The following RNF216 variants were observed in gnomAD, a reference collection of about 807,000 sequenced individuals.
RNF216 encodes E3 ubiquitin-protein ligase RNF216.
Under a neutral mutation model 110.8 loss-of-function variants are expected in RNF216, and 72 were observed. The ratio of observed to expected loss-of-function variants is 0.65; its 90% CI spans 0.54 to 0.79. RNF216 has a LOEUF of 0.79. Ranked by LOEUF, RNF216 falls within the 30% of genes least tolerant of loss-of-function variation. The pLI, the probability that RNF216 is intolerant of heterozygous loss-of-function variation, is 0.00. For synonymous variants in RNF216, 495 were observed against 407.5 expected (o/e 1.21, Z -2.59); for missense variants, 1,342 against 1,141.2 (o/e 1.18, Z -2.54).
At chr7:5,655,532 G>C (rs990269522) in intron 13 of RNF216, among the ~76,000 whole-genome samples, 2 of 152,090 alleles carry the variant, frequency 1.3e-5, no homozygotes, top group Non-Finnish European at 1.5e-5. Context: ...CTTGAACCTG[G>C]GGGGCGGAGG....
At chr7:5,715,245 G>A in intron 10 of RNF216, 55 bp from the exon 11 acceptor site, 1 of 1,562,992 alleles carries the variant, frequency 6.4e-7, no homozygotes, top group African/African-American at 1.3e-5. Context: ...GAGAGGGGGA[G>A]CCTTGTCTCC....
Position 5,624,099 on chromosome 7 carries a change from TTCC to T in RNF216, c.2406_2408del (p.Glu803del). Reference sequence around the variant, plus strand: ...GTTCCTCTTCAGCCTCCTTCTGGATTTCCTCAATAAGCTTCTCATCATCTTCCT... The same window carrying T: ...GTTCCTCTTCAGCCTCCTTCTGGATTTCAATAAGCTTCTCATCATCTTCCT... On this transcript the variant is annotated inframe_deletion, in exon 16 of 17. Transcript: ENST00000389902. This position sits in a 1 kb window ranked among gnomAD's most constrained non-coding sequence, Gnocchi z 4.4. 1 of 1,613,824 alleles carries T rather than the reference TTCC, an allele frequency of 6.2e-7. No homozygotes were observed. The highest frequency in any genetic ancestry group is 8.5e-7 in the Non-Finnish European group (1 of 1,179,968).
At chr7:5,743,973 T>A (rs1370810213) in intron 3 of RNF216, among the ~76,000 whole-genome samples, 1 of 152,202 alleles carries the variant, frequency 6.6e-6, no homozygotes, top group Non-Finnish European at 1.5e-5. Context: ...AATTTTCATA[T>A]ACAATGACTT....
chr7:5,661,894 T>C (rs1789169512), intron 13 of RNF216, among the ~76,000 whole-genome samples: 1 of 152,244 alleles, frequency 6.6e-6, no homozygotes, highest in South Asian at 2.1e-4. Flanking sequence ...GACATGAGTC[T>C]GTCTGATCCC....
chr7:5,667,797 A>G (rs1315169759), intron 13 of RNF216, among the ~76,000 whole-genome samples: 2 of 152,210 alleles, frequency 1.3e-5, no homozygotes, highest in Admixed American at 1.3e-4. Flanking sequence ...CAGGTAGGAC[A>G]AAGACCATCT....
intron 13 of RNF216, among the ~76,000 whole-genome samples, chr7:5,654,147 A>G (rs933071977): frequency 6.6e-6 from 1 of 152,248 alleles, no homozygotes; most frequent in Non-Finnish European, 1.5e-5. Flanking sequence ...GAGAGAGGCC[A>G]TGAAGGCCCA....
intron 7 of RNF216, among the ~76,000 whole-genome samples, chr7:5,725,785 G>C (rs1046134799): frequency 2.0e-5 from 3 of 151,044 alleles, no homozygotes; most frequent in Non-Finnish European, 4.4e-5. Context: ...AGGAGGCGGA[G>C]GTCGCAGTGA....
chr7:5,662,907 G>A (rs1158008868), intron 13 of RNF216, among the ~76,000 whole-genome samples: 2 of 151,946 alleles, frequency 1.3e-5, no homozygotes, highest in Non-Finnish European at 2.9e-5. Context: ...CCAGGTACAG[G>A]GAATGCAAGC....
rs766913396 is a variant in RNF216, at chr7:5,715,186, C to T, written c.1700G>A (p.Gly567Asp). 6.2e-7 allele frequency: 1 copy of T among 1,612,384 alleles called. No homozygotes were observed. Among genetic ancestry groups the T allele is most frequent in the Non-Finnish European group, 8.5e-7 (1 of 1,179,580 alleles). Residue 567 changes from glycine (G) to aspartate (D), a missense_variant, in exon 11 of 17, where the codon GGC becomes GAC. Coordinates refer to ENST00000389902, the MANE Select transcript of RNF216 (RefSeq NM_207111.4). ...GCAGCAGCGACACTCAATCAGCTGG[C>T]CATCCTGCAGGCAGTCAAGAAACAC... ...QMNEEQYQKD[G>D]QLIECRCCYG...
At chr7:5,695,568 C>A (rs1010810162) in intron 13 of RNF216, among the ~76,000 whole-genome samples, 15 of 152,222 alleles carry the variant, frequency 9.9e-5, no homozygotes, top group African/African-American at 3.6e-4. Context: ...GACACCGCAG[C>A]TATAGACAAG....
intron 13 of RNF216, among the ~76,000 whole-genome samples, chr7:5,665,305 C>G (rs1789434630): frequency 6.6e-6 from 1 of 152,046 alleles, no homozygotes; most frequent in African/African-American, 2.4e-5. Context: ...CTCTGGGAAC[C>G]ATTACAAAGC....
At chr7:5,731,850 A>G (rs1794108762) in intron 5 of RNF216, among the ~76,000 whole-genome samples, 1 of 145,130 alleles carries the variant, frequency 6.9e-6, no homozygotes, top group African/African-American at 2.9e-5. Flanking sequence ...GTAGAGAAAA[A>G]GTGCTCAGCT....
At chr7:5,722,367 A>AT (rs1491425566) in intron 8 of RNF216, among the ~76,000 whole-genome samples, 3 of 31,124 alleles carry the variant, frequency 9.6e-5, no homozygotes, top group African/African-American at 1.2e-4. Flanking sequence ...GCTCATTCTC[A>AT]TGTTTTTTTT....
intron 5 of RNF216, chr7:5,732,834 G>T (rs1409273822): frequency 6.6e-6 from 1 of 152,232 alleles, no homozygotes; most frequent in African/African-American, 2.4e-5. Flanking sequence ...AGCAGTTCTA[G>T]AGAAGTCACT....
chr7:5,667,428 C>T (rs570472907), intron 13 of RNF216, among the ~76,000 whole-genome samples: 1 of 152,308 alleles, frequency 6.6e-6, no homozygotes, highest in African/African-American at 2.4e-5. Flanking sequence ...GGATCACTGC[C>T]AGGAACTGAA....
At chr7:5,719,280 T>C (rs960101965) in intron 9 of RNF216, among the ~76,000 whole-genome samples, 1 of 152,030 alleles carries the variant, frequency 6.6e-6, no homozygotes, top group Non-Finnish European at 1.5e-5. Context: ...GAGGTTGAGA[T>C]GGAAGGACTG....
At chr7:5,772,417 C>G (rs577625987) in intron 1 of RNF216, among the ~76,000 whole-genome samples, 1 of 152,180 alleles carries the variant, frequency 6.6e-6, no homozygotes, top group South Asian at 2.1e-4. Flanking sequence ...ACTATAAACA[C>G]AAGATTTAAA....
chr7:5,759,744 G>C (rs1020461868), intron 2 of RNF216, among the ~76,000 whole-genome samples: 15 of 148,374 alleles, frequency 1.0e-4, no homozygotes, highest in African/African-American at 3.7e-4. Flanking sequence ...TGATTCTCCT[G>C]CCTCAGCCTC....
chr7:5,669,978 G>C (rs937510844), intron 13 of RNF216, among the ~76,000 whole-genome samples: 1 of 151,756 alleles, frequency 6.6e-6, no homozygotes, highest in African/African-American at 2.4e-5. Context: ...CCATGCTGGA[G>C]TGCAGTGGCG....
Sources: allele counts gnomAD v4.1 joint callset (sites outside exome capture counted in the v4.1 genomes callset), GRCh38; gene constraint gnomAD v4.1.1; non-coding constraint Gnocchi (gnomAD v3.1); transcripts MANE v1.5; gene names NCBI Gene and HGNC (gene_info 2026-07-23, HGNC 2026-07-21).